RALYL: variants seen among roughly 807,000 people sequenced by gnomAD.
RALYL encodes RALY RNA binding protein like, also known as RNA-binding Raly-like protein.
In RALYL, 29 loss-of-function variants were observed where a neutral mutation model predicts 35.1. The observed-to-expected ratio is 0.83, with a 90% CI of 0.61 to 1.13. The LOEUF (loss-of-function observed/expected upper bound fraction) is 1.13. RALYL is among the 50% of genes most tolerant of loss of function. The pLI, the probability that RALYL is intolerant of heterozygous loss-of-function variation, is 0.00. For synonymous variants in RALYL, 120 were observed against 127.6 expected, an observed-to-expected ratio of 0.94 and a Z score of 0.40; for missense variants, 359 against 360.4, an observed-to-expected ratio of 1.00 and a Z score of 0.03.
At chr8:84,510,697 G>A (rs1352430321) in intron 1 of RALYL, among the ~76,000 whole-genome samples, 3 of 151,882 alleles carry the variant, frequency 2.0e-5, no homozygotes, top group African/African-American at 7.3e-5. Flanking sequence ...GTAGTCCCAG[G>A]TACTCTGGAG....
At chr8:84,898,658 C>T (rs1845159669) in intron 8 of RALYL, among the ~76,000 whole-genome samples, 2 of 152,328 alleles carry the variant, frequency 1.3e-5, no homozygotes, top group South Asian at 4.1e-4. Flanking sequence ...GCTGCTATAA[C>T]TAAATGCTGG....
chr8:84,434,900 T>C (rs1301507608), intron 1 of RALYL, among the ~76,000 whole-genome samples: 1 of 152,184 alleles, frequency 6.6e-6, no homozygotes, highest in Non-Finnish European at 1.5e-5. Flanking sequence ...AATATTGATT[T>C]GGATTTGAAT....
intron 2 of RALYL, among the ~76,000 whole-genome samples, chr8:84,701,003 T>C (rs1840085710): frequency 6.6e-6 from 1 of 152,072 alleles, no homozygotes; most frequent in African/African-American, 2.4e-5. Context: ...AAGGAAGAAT[T>C]TATCTCTAAG....
At chr8:84,804,048 A>G (rs1489240505) in intron 3 of RALYL, among the ~76,000 whole-genome samples, 1 of 152,208 alleles carries the variant, frequency 6.6e-6, no homozygotes, top group Non-Finnish European at 1.5e-5. Flanking sequence ...TTCCTGATTT[A>G]CTTACATGTT....
chr8:84,575,476 C>T (rs750633828), intron 2 of RALYL, among the ~76,000 whole-genome samples: 6 of 152,104 alleles, frequency 3.9e-5, no homozygotes, highest in Non-Finnish European at 7.4e-5. Context: ...TACTGCTGGT[C>T]AATAATTGTC....
At chr8:84,793,139 A>G (rs1377967043) in intron 3 of RALYL, among the ~76,000 whole-genome samples, 1 of 152,204 alleles carries the variant, frequency 6.6e-6, no homozygotes, top group African/African-American at 2.4e-5. Context: ...TCTGGACTGA[A>G]TGTGCCTATT....
intron 1 of RALYL, among the ~76,000 whole-genome samples, chr8:84,468,352 C>G (rs1235205091): frequency 6.6e-6 from 1 of 151,838 alleles, no homozygotes; most frequent in Non-Finnish European, 1.5e-5. Flanking sequence ...GTGACAAAAT[C>G]TCTCAGCATT....
intron 1 of RALYL, among the ~76,000 whole-genome samples, chr8:84,277,659 T>C (rs559454870): frequency 3.6e-4 from 55 of 152,254 alleles, no homozygotes; most frequent in African/African-American, 1.3e-3. Flanking sequence ...GGTACAGGCA[T>C]TGGATAAATA....
intron 4 of RALYL, among the ~76,000 whole-genome samples, chr8:84,845,739 G>A (rs973046269): frequency 6.6e-6 from 1 of 151,454 alleles, no homozygotes; most frequent in Non-Finnish European, 1.5e-5. Flanking sequence ...TCAAAAAGGG[G>A]ATTTCCTAGG....
intron 2 of RALYL, among the ~76,000 whole-genome samples, chr8:84,763,322 T>A (rs1813131648): frequency 1.3e-5 from 2 of 152,212 alleles, no homozygotes. Context: ...TGATCCCGAC[T>A]TTCTGTTGGT....
chr8:84,844,224 T>C (rs1255280024), intron 4 of RALYL, among the ~76,000 whole-genome samples: 1 of 151,998 alleles, frequency 6.6e-6, no homozygotes, highest in Admixed American at 6.6e-5. Flanking sequence ...ACTCATCTGA[T>C]AAAGGGTTAA....
At chr8:84,509,956 A>G (rs2057473012) in intron 1 of RALYL, among the ~76,000 whole-genome samples, 1 of 152,088 alleles carries the variant, frequency 6.6e-6, no homozygotes, top group African/African-American at 2.4e-5. Flanking sequence ...GTCCCTTCCA[A>G]CTTTGTTCTT....
chr8:84,769,102 A>C (rs1162147415), intron 2 of RALYL, among the ~76,000 whole-genome samples: 1 of 152,216 alleles, frequency 6.6e-6, no homozygotes, highest in East Asian at 1.9e-4. Flanking sequence ...AATATATAAA[A>C]GATGTCTGAT....
chr8:84,415,559 A>G (rs977740868), intron 1 of RALYL, among the ~76,000 whole-genome samples: 3 of 151,940 alleles, frequency 2.0e-5, no homozygotes, highest in African/African-American at 7.3e-5. Flanking sequence ...TCATCCAGAA[A>G]TCTGGTCACC....
At chr8:84,850,526 T>C (rs1337226661) in intron 5 of RALYL, among the ~76,000 whole-genome samples, 1 of 152,228 alleles carries the variant, frequency 6.6e-6, no homozygotes, top group Non-Finnish European at 1.5e-5. Flanking sequence ...AAAACAGGAT[T>C]GTCTCATGAT....
intron 2 of RALYL, among the ~76,000 whole-genome samples, chr8:84,557,026 AT>A (rs928909242): frequency 6.6e-6 from 1 of 152,224 alleles, no homozygotes; most frequent in African/African-American, 2.4e-5. Flanking sequence ...ACAGCCGCAG[AT>A]CTGAAAAGCT....
chr8:84,622,627 T>G (rs1025747606), intron 2 of RALYL, among the ~76,000 whole-genome samples: 1 of 152,120 alleles, frequency 6.6e-6, no homozygotes, highest in African/African-American at 2.4e-5. Context: ...TCCAGGGAAG[T>G]CTCTCTCAGA....
At chr8:84,870,028 A>T (rs2135190005) in intron 6 of RALYL, among the ~76,000 whole-genome samples, 1 of 152,302 alleles carries the variant, frequency 6.6e-6, no homozygotes, top group South Asian at 2.1e-4. Context: ...AAACAAAGAT[A>T]CTACAGTGAT....
intron 1 of RALYL, among the ~76,000 whole-genome samples, chr8:84,320,702 T>C (rs958143957): frequency 1.3e-5 from 2 of 152,138 alleles, no homozygotes; most frequent in Non-Finnish European, 2.9e-5. Flanking sequence ...TTCTTCCTAT[T>C]TCTAGGCCTC....
Sources: gnomAD v4.1 joint callset for allele counts (sites outside exome capture counted in the v4.1 genomes callset) on GRCh38, gnomAD v4.1.1 for gene constraint, MANE v1.5 for transcripts, NCBI Gene and HGNC (gene_info 2026-07-23, HGNC 2026-07-21) for gene names.